The following KIRREL3 variants were observed in gnomAD, a reference collection of about 807,000 sequenced individuals.
KIRREL3 encodes the protein kin of IRRE-like protein 3.
KIRREL3 carries 36 observed loss-of-function variants against 89.7 expected under a neutral mutation model. That is an observed-to-expected ratio of 0.40 (90% CI 0.31 to 0.53). The LOEUF is 0.53. Among genes scored for constraint, KIRREL3 ranks in the 20% least tolerant of loss-of-function variants. The probability of loss-of-function intolerance (pLI) is 0.49; values close to 1 mark genes in which losing one functional copy is unlikely to be tolerated. For missense variants in KIRREL3, 864 were observed against 1,056.6 expected (o/e 0.82, Z 2.53); for synonymous variants, 445 against 441.4 (o/e 1.01, Z -0.10).
At position 126,773,606 on chromosome 11, in the gene KIRREL3, G is replaced by A. The variant is rs1242556877; in HGVS notation, c.56-210694C>T. On this transcript the variant is annotated intron_variant, in intron 1 of 16. Transcript: ENST00000525144. The surrounding 1 kb of genome is among the most constrained non-coding windows in gnomAD (Gnocchi z 4.2). Reference sequence around the variant, plus strand: ...GGTCTAGATCCTAGATCACAGAGATGTGGGAATAATGATCTCCTTACAGGG... The same window carrying A: ...GGTCTAGATCCTAGATCACAGAGATATGGGAATAATGATCTCCTTACAGGG... Among the ~76,000 whole-genome samples, 2 of 152,244 alleles carry A rather than the reference G, an allele frequency of 1.3e-5. No homozygotes were observed. The highest frequency in any genetic ancestry group is 4.8e-5 in the African/African-American group (2 of 41,466).
rs1951182699 is a variant in KIRREL3 at position 126,805,694 on chromosome 11, A to G, written c.55+194761T>C. On this transcript the variant is annotated intron_variant, in intron 1 of 16. Transcript: ENST00000525144. The surrounding 1 kb of genome is among the most constrained non-coding windows in gnomAD (Gnocchi z 4.3). ...AATAGATATTACGTTTTTATTTACT[A>G]CTATGTATGTAAATGAAAGAAAGAA... Among the ~76,000 whole-genome samples, 1 of 152,334 alleles carries G rather than the reference A, an allele frequency of 6.6e-6. No individual in the cohort carries two copies. The highest frequency in any genetic ancestry group is 1.5e-5 in the Non-Finnish European group (1 of 68,036).
At chr11:126,716,298 C>G (rs1440538858) in intron 1 of KIRREL3, among the ~76,000 whole-genome samples, 3 of 152,120 alleles carry the variant, frequency 2.0e-5, no homozygotes, top group Non-Finnish European at 2.9e-5. Flanking sequence ...TATGGAGCAC[C>G]TGCTAGGTGT....
intron 1 of KIRREL3, among the ~76,000 whole-genome samples, chr11:126,816,353 C>G (rs926060544): frequency 6.6e-6 from 1 of 152,176 alleles, no homozygotes; most frequent in African/African-American, 2.4e-5. Context: ...AGACTTCTTT[C>G]CGAGTTTACG....
At chr11:126,942,435 C>T (rs1948482319) in intron 1 of KIRREL3, among the ~76,000 whole-genome samples, 1 of 152,214 alleles carries the variant, frequency 6.6e-6, no homozygotes, top group South Asian at 2.1e-4. Flanking sequence ...ACAAAGTGAC[C>T]TCAGAAACCT....
intron 1 of KIRREL3, among the ~76,000 whole-genome samples, chr11:126,821,270 T>C (rs1333653242): frequency 1.3e-5 from 2 of 149,450 alleles, no homozygotes; most frequent in Non-Finnish European, 3.0e-5. Flanking sequence ...CCAGCAGTGC[T>C]TCTCACCACT....
chr11:126,722,935 T>A (rs1205528851), intron 1 of KIRREL3, among the ~76,000 whole-genome samples: 1 of 152,220 alleles, frequency 6.6e-6, no homozygotes, highest in Admixed American at 6.5e-5. Context: ...CCGCACGAAA[T>A]CTCATTTCTC....
intron 4 of KIRREL3, among the ~76,000 whole-genome samples, chr11:126,478,843 G>T (rs1813321469): frequency 6.6e-6 from 1 of 152,250 alleles, no homozygotes; most frequent in African/African-American, 2.4e-5. Context: ...GTGAGTAGTG[G>T]GAGGGAGGAG....
In KIRREL3 at chr11:126,534,939, C is replaced by T. The variant is rs11220534; in HGVS notation, c.134-8252G>A. ...AACCCTGTCCTGATGGGCCACGTGGCGTCCCTGAGTCAGGACAGCTGGCAC... is the reference window on the plus strand; with the variant it reads ...AACCCTGTCCTGATGGGCCACGTGGTGTCCCTGAGTCAGGACAGCTGGCAC... On this transcript the variant is annotated intron_variant, in intron 2 of 16. Transcript: ENST00000525144. Among the ~76,000 whole-genome samples, 8 of 152,256 alleles carry T rather than the reference C, an allele frequency of 5.3e-5. No homozygotes were observed. In the East Asian group the frequency reaches 5.8e-4, roughly 11 times the overall value.
intron 1 of KIRREL3, among the ~76,000 whole-genome samples, chr11:126,725,697 G>A (rs1012857082): frequency 6.6e-6 from 1 of 152,148 alleles, no homozygotes; most frequent in Non-Finnish European, 1.5e-5. Context: ...CTCTGCCCTC[G>A]CTGCAAGGCT....
At chr11:126,833,730 T>G (rs1943687264) in intron 1 of KIRREL3, among the ~76,000 whole-genome samples, 1 of 152,264 alleles carries the variant, frequency 6.6e-6, no homozygotes, top group African/African-American at 2.4e-5. Flanking sequence ...AGCTCCCTGC[T>G]GCTGTTCAAC....
chr11:126,780,219 G>C lies in KIRREL3; in HGVS notation c.56-217307C>G, dbSNP rs1272083116. The stretch of plus-strand genomic sequence containing the variant: ...ACTGCAGAAGGAAGAAGATAAGGAA[G>C]CAACAGAAACCCCAGCTAGCGTGGG... On this transcript the variant is annotated intron_variant, in intron 1 of 16. Transcript: ENST00000525144. This position sits in a 1 kb window ranked among gnomAD's most constrained non-coding sequence, Gnocchi z 5.3. Among the ~76,000 whole-genome samples the C allele has an allele frequency of 6.6e-6, 1 of 152,108 alleles. No homozygotes were observed. Among genetic ancestry groups the C allele is most frequent in the Non-Finnish European group, 1.5e-5 (1 of 68,018 alleles).
intron 2 of KIRREL3, among the ~76,000 whole-genome samples, chr11:126,542,723 G>A (rs555198787): frequency 1.3e-5 from 2 of 152,162 alleles, no homozygotes; most frequent in African/African-American, 2.4e-5. Flanking sequence ...TATTCCCTTT[G>A]GACCTTATGC....
In KIRREL3 at chr11:126,771,716, G is replaced by C. The variant is rs996591032; in HGVS notation, c.56-208804C>G. 6.6e-6 allele frequency among the ~76,000 whole-genome samples: 1 copy of C among 152,102 alleles called. No homozygotes were observed. The highest frequency in any genetic ancestry group is 1.5e-5 in the Non-Finnish European group (1 of 68,022). On this transcript the variant is annotated intron_variant, in intron 1 of 16. Transcript: ENST00000525144. This position sits in a 1 kb window ranked among gnomAD's most constrained non-coding sequence, Gnocchi z 4.4. The stretch of plus-strand genomic sequence containing the variant: ...CTTCTACTGGTGATAATGAATCATT[G>C]GAAGTGACCAATACAAGATTATCTA...
chr11:126,653,078 A>G lies in KIRREL3; in HGVS notation c.56-90166T>C, dbSNP rs1245240658. On this transcript the variant is annotated intron_variant, in intron 1 of 16. Coordinates refer to ENST00000525144, the MANE Select transcript of KIRREL3 (RefSeq NM_032531.4). The surrounding 1 kb of genome is among the most constrained non-coding windows in gnomAD (Gnocchi z 5.4). ...AGGGGAAAAAGAGAGCAGGTATAATAAAGCTTATGCCAGACACCTTGTTTG... is the reference window on the plus strand; with the variant it reads ...AGGGGAAAAAGAGAGCAGGTATAATGAAGCTTATGCCAGACACCTTGTTTG... The G allele has an allele frequency of 6.6e-6, 1 of 152,256 alleles. No individual in the cohort carries two copies. The highest frequency in any genetic ancestry group is 1.5e-5 in the Non-Finnish European group (1 of 68,054). 9.4% of individuals were successfully genotyped at this position (152,256 alleles called of 1,614,324 possible).
Position 126,527,513 on chromosome 11 carries a change from C to A in KIRREL3, c.134-826G>T, listed in dbSNP as rs189917238. ...ATTAATATTTTCATCGTCATAACAA[C>A]CTAAAAATAGTAGGCACTATTTTTA... On this transcript the variant is annotated intron_variant, in intron 2 of 16. Transcript: ENST00000525144. This position sits in a 1 kb window ranked among gnomAD's most constrained non-coding sequence, Gnocchi z 4.2. Among the ~76,000 whole-genome samples the A allele has an allele frequency of 6.6e-6, 1 of 152,236 alleles. No homozygotes were observed. Among genetic ancestry groups the A allele is most frequent in the East Asian group, 1.9e-4 (1 of 5,174 alleles).
At chr11:126,452,155 G>A (rs1385301230) in intron 7 of KIRREL3, among the ~76,000 whole-genome samples, 1 of 152,104 alleles carries the variant, frequency 6.6e-6, no homozygotes, top group Non-Finnish European at 1.5e-5. Flanking sequence ...TTAATATTGG[G>A]TAATTATTAA....
intron 2 of KIRREL3, among the ~76,000 whole-genome samples, chr11:126,552,875 T>C (rs945478916): frequency 1.3e-5 from 2 of 152,170 alleles, no homozygotes; most frequent in Admixed American, 1.3e-4. Flanking sequence ...GAAAAGCTTT[T>C]TTTTTTAGCT....
At chr11:126,829,837 A>G (rs952704026) in intron 1 of KIRREL3, among the ~76,000 whole-genome samples, 8 of 152,218 alleles carry the variant, frequency 5.3e-5, no homozygotes, top group Admixed American at 5.2e-4. Context: ...AGAGAGTGTA[A>G]CAGAGTCAGA....
rs977720881 is a variant in KIRREL3, at chr11:126,924,572, T to G, written c.55+75883A>C. Among the ~76,000 whole-genome samples, 1 of 152,232 alleles carries G rather than the reference T, an allele frequency of 6.6e-6. No individual in the cohort carries two copies. The highest frequency in any genetic ancestry group is 1.5e-5 in the Non-Finnish European group (1 of 68,036). ...GACCCACAGACTGCGCTTCAGCTGC[T>G]GCTGACTCCCTCCCAGAAGGCCCCA... is the stretch of plus-strand genomic sequence containing the variant. On this transcript the variant is annotated intron_variant, in intron 1 of 16. Coordinates refer to ENST00000525144, the MANE Select transcript of KIRREL3 (RefSeq NM_032531.4). The surrounding 1 kb of genome is among the most constrained non-coding windows in gnomAD (Gnocchi z 4.7).
Sources: allele counts gnomAD v4.1 joint callset (sites outside exome capture counted in the v4.1 genomes callset), GRCh38; gene constraint gnomAD v4.1.1; non-coding constraint Gnocchi (gnomAD v3.1); transcripts MANE v1.5; gene names NCBI Gene and HGNC (gene_info 2026-07-23, HGNC 2026-07-21).